Variants in TMEM45A observed in about 807,000 individuals in gnomAD.
TMEM45A encodes the protein DNA polymerase-transactivated protein 4.
In TMEM45A, 25 loss-of-function variants were observed where a neutral mutation model predicts 32.0. The ratio of observed to expected loss-of-function variants is 0.78; its 90% CI spans 0.57 to 1.09. The LOEUF (loss-of-function observed/expected upper bound fraction) is 1.09, where lower values mean the gene tolerates loss of function less well. Among genes scored for constraint, TMEM45A ranks in the 50% least tolerant of loss-of-function variants. The pLI is 0.00. For missense variants in TMEM45A, 302 were observed against 325.0 expected, an observed-to-expected ratio of 0.93 and a Z score of 0.54; for synonymous variants, 122 against 114.8, an observed-to-expected ratio of 1.06 and a Z score of -0.40.
chr3:100,512,128 T>C (rs1460108783), intron 1 of TMEM45A, among the ~76,000 whole-genome samples: 1 of 152,162 alleles, frequency 6.6e-6, no homozygotes, highest in Non-Finnish European at 1.5e-5. Flanking sequence ...GTGGACCTAA[T>C]AGACATCTGC....
chr3:100,494,627 G>A (rs1041468995), intron 1 of TMEM45A, among the ~76,000 whole-genome samples: 5 of 142,204 alleles, frequency 3.5e-5, no homozygotes, highest in Non-Finnish European at 6.1e-5. Context: ...GTGAGACTCC[G>A]TCTAAAAAAA....
chr3:100,519,601 A>G (rs1312626005), intron 1 of TMEM45A: 3 of 1,550,982 alleles, frequency 1.9e-6, no homozygotes, highest in Non-Finnish European at 2.6e-6. Context: ...GGATTTAAAC[A>G]CCCAAAGGTT....
At chr3:100,550,364 T>C (rs191994144) in intron 1 of TMEM45A, among the ~76,000 whole-genome samples, 1 of 152,152 alleles carries the variant, frequency 6.6e-6, no homozygotes, top group Non-Finnish European at 1.5e-5. Flanking sequence ...ATTTTAAAGC[T>C]ACATATTTTT....
At chr3:100,508,611 C>A (rs539834455) in intron 1 of TMEM45A, among the ~76,000 whole-genome samples, 9 of 152,070 alleles carry the variant, frequency 5.9e-5, no homozygotes, top group Non-Finnish European at 8.8e-5. Flanking sequence ...TAAAAACAGA[C>A]ACATAGAGAA....
chr3:100,532,358 A>G (rs1054611079), intron 1 of TMEM45A, among the ~76,000 whole-genome samples: 1 of 152,198 alleles, frequency 6.6e-6, no homozygotes, highest in Non-Finnish European at 1.5e-5. Flanking sequence ...CCTACACATT[A>G]CTGTAACAAC....
intron 1 of TMEM45A, among the ~76,000 whole-genome samples, chr3:100,553,522 A>G (rs1706150333): frequency 6.6e-6 from 1 of 152,204 alleles, no homozygotes; most frequent in African/African-American, 2.4e-5. Context: ...AAAAATTTGC[A>G]GTCTGTATAT....
intron 5 of TMEM45A, chr3:100,571,518 C>G (rs6804450): frequency 6.6e-6 from 1 of 151,726 alleles, no homozygotes; most frequent in African/African-American, 2.4e-5. Context: ...AAGAAACATT[C>G]GATACAATTT....
rs568448052 is a variant in TMEM45A, at chr3:100,544,787, C to G, written c.-3-10422C>G. Among the ~76,000 whole-genome samples, 38 of 152,292 alleles carry G rather than the reference C, an allele frequency of 2.5e-4. 2 individuals are homozygous for G. In the South Asian group the frequency reaches 7.9e-3, roughly 32 times the overall value. ...CAGGTTTGGGTTATTATAAATAAAG[C>G]TACTATGAGGATCCATGTACAAGTC... On this transcript the variant is annotated intron_variant, in intron 1 of 5. Coordinates refer to ENST00000323523, the MANE Select transcript of TMEM45A (RefSeq NM_018004.3).
At chr3:100,572,228 T>G (rs1373788145) in intron 5 of TMEM45A, 1 of 152,000 alleles carries the variant, frequency 6.6e-6, no homozygotes, top group Non-Finnish European at 1.5e-5. Flanking sequence ...AGTGTAAAAG[T>G]GTTCCTATTT....
At chr3:100,575,363 CTTTTTTTTTTTTTTTTTT>C (rs59739893) in intron 5 of TMEM45A, among the ~76,000 whole-genome samples, 1 of 62,706 alleles carries the variant, frequency 1.6e-5, no homozygotes, top group Admixed American at 2.2e-4. Context: ...TATGGATTCT[CTTTTTTTTTTTTTTTTTT>C]TTTTTTTTTG....
At chr3:100,561,172 C>G (rs139532062) in intron 4 of TMEM45A, among the ~76,000 whole-genome samples, 1 of 152,236 alleles carries the variant, frequency 6.6e-6, no homozygotes, top group East Asian at 1.9e-4. Flanking sequence ...CCCTCTGAAA[C>G]AAAACTGTCT....
chr3:100,575,916 G>T (rs932231654), intron 5 of TMEM45A, among the ~76,000 whole-genome samples: 3 of 152,320 alleles, frequency 2.0e-5, no homozygotes, highest in Non-Finnish European at 2.9e-5. Context: ...TATAGCACCT[G>T]TTTGCAATAC....
intron 1 of TMEM45A, among the ~76,000 whole-genome samples, chr3:100,507,799 T>A (rs1398784727): frequency 6.6e-6 from 1 of 151,830 alleles, no homozygotes; most frequent in South Asian, 2.1e-4. Flanking sequence ...CAGATCAGTA[T>A]GGACTAGAGG....
intron 1 of TMEM45A, among the ~76,000 whole-genome samples, chr3:100,508,551 T>C (rs747813267): frequency 1.3e-5 from 2 of 152,164 alleles, no homozygotes; most frequent in Non-Finnish European, 2.9e-5. Context: ...ACTACCTGGC[T>C]TCAAAATATA....
In TMEM45A at chr3:100,558,444, T is replaced by C. The variant is rs1443047496; in HGVS notation, c.443T>C (p.Leu148Pro). 6.2e-7 allele frequency: 1 copy of C among 1,613,864 alleles called. No individual in the cohort carries two copies. The highest frequency in any genetic ancestry group is 8.5e-7 in the Non-Finnish European group (1 of 1,180,032). The change falls in exon 4 of 6, where the codon CTG becomes CCG. Residue 148 changes from leucine (L) to proline (P), a missense_variant. Physicochemically the swap from Leu to Pro is moderately conservative, Grantham distance 98. Coordinates refer to ENST00000323523, the MANE Select transcript of TMEM45A (RefSeq NM_018004.3). Reference protein sequence around the residue: ...FYNHTHGREMLDIFVHQLLVL... With the variant: ...FYNHTHGREMPDIFVHQLLVL... ...AACCACACTCATGGCCGGGAAATGC[T>C]GGACATCTTTGTGCACCAGCTGCTG...
Position 100,531,448 on chromosome 3 carries a change from C to G in TMEM45A, c.-3-23761C>G, listed in dbSNP as rs116233769. 9.1e-3 allele frequency among the ~76,000 whole-genome samples: 1,385 copies of G among 152,282 alleles called. 22 individuals are homozygous for G. The highest frequency in any genetic ancestry group is 0.031 in the African/African-American group (1,294 of 41,556). ...TGAAGTTAAATCAATGAACTCAGAG[C>G]TGGAGTTTGCATTTGTATTTAGGAT... On this transcript the variant is annotated intron_variant, in intron 1 of 5. Coordinates refer to ENST00000323523, the MANE Select transcript of TMEM45A (RefSeq NM_018004.3).
intron 1 of TMEM45A, among the ~76,000 whole-genome samples, chr3:100,509,005 G>C (rs1708117037): frequency 6.6e-6 from 1 of 152,016 alleles, no homozygotes; most frequent in Non-Finnish European, 1.5e-5. Flanking sequence ...GTATAGCAAG[G>C]GAATAAACAG....
intron 1 of TMEM45A, among the ~76,000 whole-genome samples, chr3:100,529,391 C>T (rs1705606549): frequency 6.6e-6 from 1 of 152,084 alleles, no homozygotes; most frequent in South Asian, 2.1e-4. Context: ...TAAGCAGCTC[C>T]TGGGTAGCGG....
chr3:100,500,342 A>G (rs9861741), intron 1 of TMEM45A, among the ~76,000 whole-genome samples: 3,496 of 152,156 alleles, frequency 0.023, 119 homozygotes, highest in African/African-American at 0.08. Context: ...GTCCTGGAGA[A>G]CAGACACTAG....
Sources: gnomAD v4.1 joint callset for allele counts (sites outside exome capture counted in the v4.1 genomes callset) on GRCh38, gnomAD v4.1.1 for gene constraint, MANE v1.5 for transcripts, NCBI Gene and HGNC (gene_info 2026-07-23, HGNC 2026-07-21) for gene names.